Variants in CHAF1A observed in about 807,000 individuals in gnomAD.
The protein encoded by CHAF1A is CAF-1 subunit A.
CHAF1A carries 5 observed loss-of-function variants against 93.2 expected under a neutral mutation model. The ratio of observed to expected loss-of-function variants is 0.05; its 90% CI spans 0.03 to 0.11. CHAF1A has a LOEUF of 0.11. Ranked by LOEUF, CHAF1A falls within the 10% of genes least tolerant of loss-of-function variation. The pLI is 1.00. For synonymous variants in CHAF1A, 504 were observed against 510.3 expected, an observed-to-expected ratio of 0.99 and a Z score of 0.17; for missense variants, 1,102 against 1,259.9, an observed-to-expected ratio of 0.87 and a Z score of 1.90.
In CHAF1A at chr19:4,442,310, C is replaced by T; in HGVS notation, c.2739C>T (p.Asp913=). 6.2e-7 allele frequency: 1 copy of T among 1,609,556 alleles called. No homozygotes were observed. The change falls in exon 14 of 15, where the codon GAC becomes GAT. Residue 913 remains aspartate (D), a synonymous_variant. Coordinates refer to ENST00000301280, the MANE Select transcript of CHAF1A (RefSeq NM_005483.3). ...AGGAGGAGGAAGAGGAGGAGGGCGA[C>T]TGTATGATCGTGGATGTCCCGGATG... ...DTEEEEEEEG[D]CMIVDVPDAA... is the part of the protein sequence containing the mutation.
rs760508691 is a variant in CHAF1A at position 4,433,265 on chromosome 19, G to A, written c.2399G>A (p.Arg800Gln). Residue 800 changes from arginine (R) to glutamine (Q), a missense_variant, in exon 13 of 15, where the codon CGG (arginine) becomes CAG (glutamine). By Grantham distance (43) the Arg-to-Gln change is conservative (BLOSUM62 1). This residue lies in a region of CHAF1A where 76 missense variants were observed against 129.8 expected (regional missense o/e 0.59). Transcript: ENST00000301280. The surrounding 1 kb of genome is among the most constrained non-coding windows in gnomAD (Gnocchi z 5.6). The part of the protein sequence containing the change: ...AAIPSKSRLK[R>Q]LISENSVYEK... Reference sequence around the variant, plus strand: ...ATCCCCTCTAAGTCCCGGCTCAAGCGGCTCATTTCCGAGAACTCAGTGTAT... The same window carrying A: ...ATCCCCTCTAAGTCCCGGCTCAAGCAGCTCATTTCCGAGAACTCAGTGTAT... 2.5e-6 allele frequency: 4 copies of A among 1,614,178 alleles called. No individual in the cohort carries two copies. The highest frequency in any genetic ancestry group is 1.7e-5 in the Admixed American group (1 of 60,018).
chr19:4,446,386 C>T (rs1974520985), downstream of CHAF1A: 3 of 1,577,066 alleles, frequency 1.9e-6, no homozygotes, highest in Non-Finnish European at 2.6e-6. Flanking sequence ...TGGTCCGCAG[C>T]ACGCTCAGCC....
At chr19:4,413,879 T>C (rs1033681928) in intron 3 of CHAF1A, among the ~76,000 whole-genome samples, 1 of 152,188 alleles carries the variant, frequency 6.6e-6, no homozygotes, top group Non-Finnish European at 1.5e-5. Context: ...GCTGAAGTGT[T>C]CCTTTTTAGT....
rs769503119 is a variant in CHAF1A at position 4,409,374 on chromosome 19, G to T, written c.575G>T (p.Gly192Val). Residue 192 changes from glycine (G) to valine (V), a missense_variant, in exon 3 of 15, where the codon GGT (glycine) becomes GTT (valine). Transcript: ENST00000301280. ...KTEEEGVGCG[G>V]AGRRGDSQEC... ...GAGGAGGAGGGTGTTGGCTGTGGAG[G>T]TGCAGGGAGGAGAGGCGACTCCCAG... 6.2e-7 allele frequency: 1 copy of T among 1,614,156 alleles called. No homozygotes were observed. The highest frequency in any genetic ancestry group is 8.5e-7 in the Non-Finnish European group (1 of 1,180,022).
chr19:4,446,102 C>T, downstream of CHAF1A: 2 of 1,612,756 alleles, frequency 1.2e-6, no homozygotes, highest in African/African-American at 1.3e-5. Flanking sequence ...TTCTGCCCTC[C>T]CGAGGCCAGC....
chr19:4,427,393 C>T (rs1398367972), intron 7 of CHAF1A, among the ~76,000 whole-genome samples: 1 of 145,128 alleles, frequency 6.9e-6, no homozygotes, highest in Non-Finnish European at 1.5e-5. Context: ...GGTGCAGTGG[C>T]ACGATCTCGG....
At chr19:4,414,410 A>T (rs903633941) in intron 3 of CHAF1A, among the ~76,000 whole-genome samples, 1 of 151,626 alleles carries the variant, frequency 6.6e-6, no homozygotes, top group African/African-American at 2.4e-5. Flanking sequence ...AAAAAAAAAA[A>T]ACAAAAAGGA....
At chr19:4,447,520 T>C, downstream of CHAF1A, 1 of 1,611,422 alleles carries the variant, frequency 6.2e-7, no homozygotes, top group Non-Finnish European at 8.5e-7. Context: ...ACCCCCAGCC[T>C]GGGCCCCGGG....
Position 4,428,763 on chromosome 19 carries a change from A to C in CHAF1A, c.1477A>C (p.Ser493Arg), listed in dbSNP as rs747058109. The part of the protein sequence containing the change: ...RRTAFHPDLC[S>R]QLDQLLQQQS... ...GACCGCTTTCCATCCAGACCTCTGC[A>C]GTCAGCTGGACCAGCTCCTCCAGCA... is the stretch of plus-strand genomic sequence containing the variant. Residue 493 changes from serine to arginine, a missense_variant, in exon 8 of 15, where the codon AGT becomes CGT. By Grantham distance (110) the Ser-to-Arg change is moderately radical. Transcript: ENST00000301280. 4 of 1,614,190 alleles carry C rather than the reference A, an allele frequency of 2.5e-6. No homozygotes were observed. Among genetic ancestry groups the C allele is most frequent in the Non-Finnish European group, 3.4e-6 (4 of 1,180,036 alleles).
Position 4,409,218 on chromosome 19 carries a change from C to A in CHAF1A, c.419C>A (p.Ala140Asp), listed in dbSNP as rs1364026694. 6.2e-7 allele frequency: 1 copy of A among 1,614,184 alleles called. No individual in the cohort carries two copies. Among genetic ancestry groups the A allele is most frequent in the South Asian group, 1.1e-5 (1 of 91,088 alleles). ...LVDHNKLNSE[A>D]SPSREAINGQ... is the part of the protein sequence containing the mutation. The stretch of plus-strand genomic sequence containing the variant: ...GACCACAATAAACTAAATTCTGAAG[C>A]CTCTCCCTCCAGGGAGGCAATAAAT... The change falls in exon 3 of 15, where the codon GCC (alanine) becomes GAC (aspartate). Residue 140 changes from alanine (A) to aspartate (D), a missense_variant. Transcript: ENST00000301280.
At chr19:4,445,166 A>G (rs553188876), downstream of CHAF1A, 101 of 311,892 alleles carry the variant, frequency 3.2e-4, no homozygotes, top group South Asian at 3.3e-3. Context: ...AACAGGACCC[A>G]TGCTGCAGGC....
rs1192441339 is a variant in CHAF1A, at chr19:4,422,914, C to T, written c.1247+119C>T. 7 of 976,866 alleles carry T rather than the reference C, an allele frequency of 7.2e-6. No individual in the cohort carries two copies. Among genetic ancestry groups the T allele is most frequent in the Non-Finnish European group, 1.1e-5 (7 of 657,650 alleles). 60.5% of individuals were successfully genotyped at this position (976,866 alleles called of 1,614,324 possible). ...ATGGCGGCTCCCTTCAGTTCCTTCC[C>T]ATTTCTCCTTCGTGAGGTGCCCGTG... On this transcript the variant is annotated intron_variant, in intron 5 of 14. Coordinates refer to ENST00000301280, the MANE Select transcript of CHAF1A (RefSeq NM_005483.3). The surrounding 1 kb of genome is among the most constrained non-coding windows in gnomAD (Gnocchi z 4.6).
chr19:4,423,439 G>C, intron 6 of CHAF1A, 44 bp downstream of exon 6: 1 of 1,610,788 alleles, frequency 6.2e-7, no homozygotes, highest in Non-Finnish European at 8.5e-7. Context: ...GCCCGTTGGA[G>C]AAGCAGATGC....
intron 10 of CHAF1A, chr19:4,430,033 G>C: frequency 2.1e-6 from 1 of 484,016 alleles, no homozygotes; most frequent in Non-Finnish European, 3.7e-6. Context: ...CATCTGCACC[G>C]TGGCCCCACA....
At chr19:4,419,180 G>A (rs191364359) in intron 4 of CHAF1A, among the ~76,000 whole-genome samples, 36 of 151,810 alleles carry the variant, frequency 2.4e-4, no homozygotes, top group East Asian at 9.7e-4. Flanking sequence ...ACACCTGGCC[G>A]CAGGGGACTT....
In CHAF1A at chr19:4,425,532, A is replaced by G. The variant is rs1974065698; in HGVS notation, c.1377+1658A>G. On this transcript the variant is annotated intron_variant, in intron 7 of 14. Transcript: ENST00000301280. Reference sequence around the variant, plus strand: ...GCCTCCCTAATTTTATTTTTAGTAGAGACTGGGTCTCACTGTGTTGCCAGG... The same window carrying G: ...GCCTCCCTAATTTTATTTTTAGTAGGGACTGGGTCTCACTGTGTTGCCAGG... Among the ~76,000 whole-genome samples, 3 of 152,244 alleles carry G rather than the reference A, an allele frequency of 2.0e-5. No homozygotes were observed. In the South Asian group the frequency reaches 6.2e-4, roughly 32 times the overall value.
downstream of CHAF1A, chr19:4,447,066 T>C: frequency 2.7e-6 from 2 of 728,640 alleles, no homozygotes; most frequent in South Asian, 3.5e-5. Context: ...GCCTCAGTGC[T>C]GGATGCAAAC....
chr19:4,431,640 C>T (rs1974184704), intron 11 of CHAF1A, among the ~76,000 whole-genome samples: 2 of 152,142 alleles, frequency 1.3e-5, no homozygotes, highest in South Asian at 2.1e-4. Flanking sequence ...TGTGGGTAGA[C>T]ACCCAACCCT....
rs986691777 is a variant in CHAF1A at position 4,408,778 on chromosome 19, T to C, written c.104-125T>C. The C allele has an allele frequency of 6.4e-6, 8 of 1,244,874 alleles. No homozygotes were observed. The African/African-American group carries it at 1.2e-4, about 19-fold the overall frequency. 77.1% of individuals were successfully genotyped at this position (1,244,874 alleles called of 1,614,324 possible). On this transcript the variant is annotated intron_variant, in intron 2 of 14. Coordinates refer to ENST00000301280, the MANE Select transcript of CHAF1A (RefSeq NM_005483.3). ...CATGAGCCACCACACCCGGCCCAGA[T>C]AGTCCCTTTTTAAACTTTAAAATTA...
Sources: gnomAD v4.1 joint callset for allele counts (sites outside exome capture counted in the v4.1 genomes callset) on GRCh38, gnomAD v4.1.1 for gene constraint, gnomAD v4.1.1 regional missense constraint, Gnocchi (gnomAD v3.1) non-coding constraint, MANE v1.5 for transcripts, NCBI Gene and HGNC (gene_info 2026-07-23, HGNC 2026-07-21) for gene names.